Variants in GRIK2 observed in about 807,000 individuals in gnomAD.
The protein encoded by GRIK2 is glutamate ionotropic receptor kainate type subunit 2.
In GRIK2, 32 loss-of-function variants were observed where a neutral mutation model predicts 100.3. That is an observed-to-expected ratio of 0.32 (90% CI 0.24 to 0.43). The LOEUF is 0.43. GRIK2 is among the 20% of genes least tolerant of loss of function. The pLI is 1.00. For synonymous variants in GRIK2, 417 were observed against 389.4 expected (o/e 1.07, Z -0.83); for missense variants, 843 against 1,114.9 (o/e 0.76, Z 3.47).
chr6:101,549,275 G>GAAAAAAA (rs34763570), intron 2 of GRIK2, among the ~76,000 whole-genome samples: 1 of 136,340 alleles, frequency 7.3e-6, no homozygotes, highest in African/African-American at 2.8e-5. Flanking sequence ...GTGATGAACT[G>GAAAAAAA]AAAAAAAAAA....
At chr6:101,990,580 GA>G in intron 14 of GRIK2, among the ~76,000 whole-genome samples, 1 of 151,712 alleles carries the variant, frequency 6.6e-6, no homozygotes, top group East Asian at 1.9e-4. Flanking sequence ...AACATGCTAT[GA>G]AAATGTAAGT....
At chr6:101,423,327 G>C (rs902389362) in intron 2 of GRIK2, among the ~76,000 whole-genome samples, 1 of 152,088 alleles carries the variant, frequency 6.6e-6, no homozygotes, top group East Asian at 1.9e-4. Flanking sequence ...TTGTTCTTAG[G>C]TATACTTTAA....
At chr6:101,713,895 A>G (rs1039865596) in intron 7 of GRIK2, among the ~76,000 whole-genome samples, 3 of 151,762 alleles carry the variant, frequency 2.0e-5, no homozygotes, top group Admixed American at 2.0e-4. Flanking sequence ...AAAGTGAAGT[A>G]TACACTGTGT....
intron 13 of GRIK2, 181 bp from the exon 14 acceptor site, chr6:101,928,234 C>G (rs1790039332): frequency 1.7e-6 from 1 of 595,606 alleles, no homozygotes; most frequent in African/African-American, 1.9e-5. Context: ...AAAAGATTGT[C>G]TATTTTCTGA....
At chr6:101,692,763 G>A (rs936293369) in intron 7 of GRIK2, among the ~76,000 whole-genome samples, 11 of 151,884 alleles carry the variant, frequency 7.2e-5, no homozygotes, top group Non-Finnish European at 1.6e-4. Context: ...TAACATAAAT[G>A]TTATAACTAC....
At chr6:101,928,793 C>A (rs1481856310) in intron 14 of GRIK2, among the ~76,000 whole-genome samples, 161 bp downstream of exon 14, 1 of 152,134 alleles carries the variant, frequency 6.6e-6, no homozygotes, top group African/African-American at 2.4e-5. Context: ...TGAACGTATG[C>A]TCATCAAGAC....
chr6:101,777,146 A>C (rs1002079375), intron 7 of GRIK2, among the ~76,000 whole-genome samples: 2 of 152,250 alleles, frequency 1.3e-5, no homozygotes, highest in East Asian at 1.9e-4. Context: ...CAGAGAAAGC[A>C]TAATGGCAGC....
chr6:101,903,262 C>T (rs1788000262), intron 12 of GRIK2, among the ~76,000 whole-genome samples: 1 of 151,786 alleles, frequency 6.6e-6, no homozygotes. Context: ...CACTTCAGTT[C>T]TTTTGTTAGA....
At chr6:101,886,440 A>G (rs1786623875) in intron 11 of GRIK2, among the ~76,000 whole-genome samples, 2 of 151,674 alleles carry the variant, frequency 1.3e-5, no homozygotes, top group South Asian at 4.2e-4. Context: ...CATAATTTCT[A>G]TTTTTCTCTT....
chr6:101,968,078 A>G (rs1036455754), intron 14 of GRIK2, among the ~76,000 whole-genome samples: 2 of 152,048 alleles, frequency 1.3e-5, no homozygotes, highest in Non-Finnish European at 1.5e-5. Context: ...GCCCTTCTCC[A>G]GTAATACAAT....
rs189427895 is a variant in GRIK2 at position 101,659,821 on chromosome 6, G to T, written c.542-16802G>T. Among the ~76,000 whole-genome samples the T allele has an allele frequency of 2.9e-4, 44 of 152,280 alleles. 1 individual carries two copies. In the East Asian group the frequency reaches 7.2e-3, roughly 25 times the overall value. ...CCCCCACTCTCTTCTGGCTTGTAGG[G>T]CTTCTGAAGAGAGATACACTGTTAG... is the stretch of plus-strand genomic sequence containing the variant. On this transcript the variant is annotated intron_variant, in intron 4 of 16. Transcript: ENST00000369134.
At chr6:101,628,595 A>G (rs1426548673) in intron 4 of GRIK2, among the ~76,000 whole-genome samples, 2 of 152,100 alleles carry the variant, frequency 1.3e-5, no homozygotes, top group African/African-American at 2.4e-5. Flanking sequence ...AAATGATCCA[A>G]GGGATCCTCA....
At chr6:101,912,630 A>G (rs536755971) in intron 12 of GRIK2, among the ~76,000 whole-genome samples, 1 of 151,512 alleles carries the variant, frequency 6.6e-6, no homozygotes, top group Non-Finnish European at 1.5e-5. Flanking sequence ...TCATGAAGAG[A>G]TCTGTTGTTT....
intron 7 of GRIK2, among the ~76,000 whole-genome samples, chr6:101,719,333 G>A (rs1222958): frequency 0.61 from 92,068 of 151,566 alleles, 30,490 homozygotes; most frequent in Non-Finnish European, 0.75. Context: ...CTATACAGCA[G>A]CTAGAGCAGA....
At chr6:101,700,164 C>A (rs569675713) in intron 7 of GRIK2, among the ~76,000 whole-genome samples, 12 of 151,866 alleles carry the variant, frequency 7.9e-5, no homozygotes, top group Non-Finnish European at 1.0e-4. Flanking sequence ...AACAAACAAA[C>A]AAACAAAAAT....
chr6:102,043,647 A>G lies in GRIK2; in HGVS notation c.2311+8081A>G, dbSNP rs142506826. The stretch of plus-strand genomic sequence containing the variant: ...TGTGTATATGTACTGCATTTTCTTT[A>G]TTCTCTGATCCATTATAAATATAAG... On this transcript the variant is annotated intron_variant, in intron 15 of 16. Transcript: ENST00000369134. Among the ~76,000 whole-genome samples the G allele has an allele frequency of 5.6e-3, 857 of 151,908 alleles. 8 individuals are homozygous for G. Among genetic ancestry groups the G allele is most frequent in the African/African-American group, 0.02 (820 of 41,478 alleles).
chr6:101,661,726 G>A (rs1452383984), intron 4 of GRIK2, among the ~76,000 whole-genome samples: 1 of 152,058 alleles, frequency 6.6e-6, no homozygotes, highest in Non-Finnish European at 1.5e-5. Context: ...GGCTAGGGGA[G>A]GGAGTTCCCC....
rs1168550470 is a variant in GRIK2 at position 101,936,491 on chromosome 6, C to A, written c.2085+7859C>A. 2.0e-5 allele frequency among the ~76,000 whole-genome samples: 3 copies of A among 151,926 alleles called. No homozygotes were observed. The East Asian group carries it at 5.8e-4, about 29-fold the overall frequency. ...TTTGATATAAATATTTAAAACATGA[C>A]TATTTATTATGTCTTTGATTTATTT... On this transcript the variant is annotated intron_variant, in intron 14 of 16. Coordinates refer to ENST00000369134, the MANE Select transcript of GRIK2 (RefSeq NM_021956.5).
intron 2 of GRIK2, among the ~76,000 whole-genome samples, chr6:101,612,359 ATAGAT>A (rs1024322667): frequency 1.3e-5 from 2 of 151,888 alleles, no homozygotes; most frequent in Admixed American, 6.6e-5. Flanking sequence ...TTGATGGGAA[ATAGAT>A]TAAAGACAGA....
Sources: allele counts gnomAD v4.1 joint callset (sites outside exome capture counted in the v4.1 genomes callset), GRCh38; gene constraint gnomAD v4.1.1; transcripts MANE v1.5; gene names NCBI Gene and HGNC (gene_info 2026-07-23, HGNC 2026-07-21).